NAALADL2: variants seen among roughly 807,000 people sequenced by gnomAD.
NAALADL2 encodes the protein inactive N-acetylated-alpha-linked acidic dipeptidase-like protein 2.
NAALADL2 carries 76 observed loss-of-function variants against 87.2 expected under a neutral mutation model. The ratio of observed to expected loss-of-function variants is 0.87; its 90% CI spans 0.72 to 1.05. The LOEUF is 1.05. NAALADL2 is among the 50% of genes least tolerant of loss of function. NAALADL2 has a pLI of 0.00. For missense variants in NAALADL2, 1,089 were observed against 945.8 expected, an observed-to-expected ratio of 1.15 and a Z score of -1.99; for synonymous variants, 354 against 331.0, an observed-to-expected ratio of 1.07 and a Z score of -0.75.
intron 13 of NAALADL2, among the ~76,000 whole-genome samples, chr3:175,783,891 T>A (rs1751520481): frequency 7.0e-6 from 1 of 142,588 alleles, no homozygotes; most frequent in Non-Finnish European, 1.5e-5. Flanking sequence ...ATACCTAATT[T>A]ATTGAGAGTT....
intron 2 of NAALADL2, among the ~76,000 whole-genome samples, chr3:174,733,503 C>T (rs955365761): frequency 5.3e-5 from 8 of 152,208 alleles, no homozygotes; most frequent in African/African-American, 1.9e-4. Context: ...CAGTTAGGTG[C>T]CAAGAGAAAG....
rs140009717 is a variant in NAALADL2, at chr3:175,352,199, C to T, written c.1090+27874C>T. Among the ~76,000 whole-genome samples the T allele has an allele frequency of 8.6e-5, 13 of 150,526 alleles. No homozygotes were observed. The East Asian group carries it at 2.1e-3, about 25-fold the overall frequency. On this transcript the variant is annotated intron_variant, in intron 5 of 13. Coordinates refer to ENST00000454872, the MANE Select transcript of NAALADL2 (RefSeq NM_207015.3). ...TTTTTTTTTTTAATGGGGGCTAGGA[C>T]ATGGGACCAAGCTGTGGCTTCCTCT... is the stretch of plus-strand genomic sequence containing the variant.
chr3:174,920,770 G>A (rs1463540588), intron 1 of NAALADL2, among the ~76,000 whole-genome samples: 1 of 152,076 alleles, frequency 6.6e-6, no homozygotes, highest in Non-Finnish European at 1.5e-5. Flanking sequence ...TCCTCACTAA[G>A]TTTAATCATC....
At chr3:174,909,079 G>A (rs1733347797) in intron 1 of NAALADL2, among the ~76,000 whole-genome samples, 1 of 151,940 alleles carries the variant, frequency 6.6e-6, no homozygotes, top group Non-Finnish European at 1.5e-5. Flanking sequence ...GCTAAAATAT[G>A]CATGTAACAG....
intron 11 of NAALADL2, chr3:175,718,449 T>G: frequency 6.3e-7 from 1 of 1,583,034 alleles, no homozygotes; most frequent in Non-Finnish European, 8.7e-7. Context: ...TCTGGGTATT[T>G]AGGTCCACAT....
At chr3:175,155,387 G>T (rs981934773) in intron 2 of NAALADL2, among the ~76,000 whole-genome samples, 1 of 152,048 alleles carries the variant, frequency 6.6e-6, no homozygotes, top group Non-Finnish European at 1.5e-5. Context: ...GTTGGCACCG[G>T]TCCTGTCAGA....
rs138683101 is a variant in NAALADL2 at position 175,033,509 on chromosome 3, A to T, written c.44-63281A>T. 1.7e-4 allele frequency among the ~76,000 whole-genome samples: 26 copies of T among 152,236 alleles called. 2 individuals carry two copies. In the East Asian group the frequency reaches 4.8e-3, roughly 28 times the overall value. Reference sequence around the variant, plus strand: ...CTACTTAGAAGAATTTATTCCCGGTATGTGTCAGTGAAATTCCTTTTGTCA... The same window carrying T: ...CTACTTAGAAGAATTTATTCCCGGTTTGTGTCAGTGAAATTCCTTTTGTCA... On this transcript the variant is annotated intron_variant, in intron 1 of 13. Transcript: ENST00000454872.
chr3:175,779,024 A>C (rs1479216798), intron 13 of NAALADL2, among the ~76,000 whole-genome samples: 1 of 152,230 alleles, frequency 6.6e-6, no homozygotes, highest in African/African-American at 2.4e-5. Flanking sequence ...GGCTGAACAA[A>C]GAATAGTAAA....
intron 11 of NAALADL2, among the ~76,000 whole-genome samples, chr3:175,691,158 A>T (rs1736982279): frequency 6.6e-6 from 1 of 151,356 alleles, no homozygotes; most frequent in African/African-American, 2.4e-5. Context: ...AAGTAACAAA[A>T]GTCTATATAG....
At chr3:175,018,459 A>G (rs915783417) in intron 1 of NAALADL2, among the ~76,000 whole-genome samples, 2 of 152,028 alleles carry the variant, frequency 1.3e-5, no homozygotes, top group Non-Finnish European at 2.9e-5. Context: ...AAATGTTTAT[A>G]AGTGTCAGAA....
intron 10 of NAALADL2, among the ~76,000 whole-genome samples, chr3:175,578,064 C>T (rs1328151614): frequency 6.6e-6 from 1 of 151,962 alleles, no homozygotes; most frequent in African/African-American, 2.4e-5. Context: ...TAAATCGCTT[C>T]ATGTTAATGG....
intron 2 of NAALADL2, among the ~76,000 whole-genome samples, chr3:175,129,105 A>T (rs1727403195): frequency 6.7e-6 from 1 of 149,250 alleles, no homozygotes; most frequent in African/African-American, 2.5e-5. Flanking sequence ...TGCCTGGCTA[A>T]TTTTTTTTTT....
intron 1 of NAALADL2, among the ~76,000 whole-genome samples, chr3:174,441,213 G>C (rs1425085694): frequency 6.6e-6 from 1 of 151,884 alleles, no homozygotes; most frequent in Admixed American, 6.6e-5. Context: ...GTGAAGTACG[G>C]GGGCCGAGGG....
Position 175,145,086 on chromosome 3 carries a change from AG to A in NAALADL2, c.545+47796del, listed in dbSNP as rs777641441. The stretch of plus-strand genomic sequence containing the variant: ...AATATTTAATTTCATCCCTGGATAG[AG>A]AAGGATTTGGGAGGGGCTGTCCTAG... On this transcript the variant is annotated intron_variant, in intron 2 of 13. Transcript: ENST00000454872. 5.8e-4 allele frequency among the ~76,000 whole-genome samples: 88 copies of A among 152,004 alleles called. 1 individual carries two copies. The highest frequency in any genetic ancestry group is 9.1e-4 in the Non-Finnish European group (62 of 67,924).
chr3:174,878,089 C>T (rs1412558252), intron 1 of NAALADL2, among the ~76,000 whole-genome samples: 1 of 151,992 alleles, frequency 6.6e-6, no homozygotes, highest in African/African-American at 2.4e-5. Flanking sequence ...TTGGTTACAT[C>T]GTGTCTGATT....
chr3:175,496,975 AGAT>A (rs1282717242), intron 9 of NAALADL2, among the ~76,000 whole-genome samples: 1 of 152,156 alleles, frequency 6.6e-6, no homozygotes, highest in Non-Finnish European at 1.5e-5. Flanking sequence ...TTGACTTTAT[AGAT>A]GATAAATTAA....
At chr3:174,448,728 G>T (rs1000674900) in intron 1 of NAALADL2, among the ~76,000 whole-genome samples, 1 of 152,162 alleles carries the variant, frequency 6.6e-6, no homozygotes, top group African/African-American at 2.4e-5. Flanking sequence ...GTAACTATGT[G>T]TGGGAAAACA....
Position 175,698,295 on chromosome 3 carries a change from ATATATATGTGTATATATGTATGTGTATT to A in NAALADL2, c.1897-39007_1897-38980del, listed in dbSNP as rs1738275492. ...TATATGTGTATATATGTATGTATAC[ATATATATGTGTATATATGTATGTGTATT>A]TATGTATGTGTATATATGTATGTGT... On this transcript the variant is annotated intron_variant, in intron 11 of 13. Coordinates refer to ENST00000454872, the MANE Select transcript of NAALADL2 (RefSeq NM_207015.3). 2.0e-5 allele frequency among the ~76,000 whole-genome samples: 2 copies of A among 98,088 alleles called. 1 individual carries two copies. The highest frequency in any genetic ancestry group is 1.0e-4 in the African/African-American group (2 of 19,674). 64.3% of individuals were successfully genotyped at this position (98,088 alleles called of 152,430 possible).
rs1388284664 is a variant in NAALADL2, at chr3:175,365,345, G to A, written c.1090+41020G>A. Among the ~76,000 whole-genome samples, 2 of 146,638 alleles carry A rather than the reference G, an allele frequency of 1.4e-5. 1 individual carries two copies. Among genetic ancestry groups the A allele is most frequent in the Non-Finnish European group, 3.0e-5 (2 of 66,200 alleles). On this transcript the variant is annotated intron_variant, in intron 5 of 13. Transcript: ENST00000454872. ...ACATATTACATTATTTCATTATTTT[G>A]GTGAATTTTTGCAAAAATCTATTTA...
Sources: allele counts gnomAD v4.1 joint callset (sites outside exome capture counted in the v4.1 genomes callset), GRCh38; gene constraint gnomAD v4.1.1; transcripts MANE v1.5; gene names NCBI Gene and HGNC (gene_info 2026-07-23, HGNC 2026-07-21).